The following MRTFA variants were observed in gnomAD, a reference collection of about 807,000 sequenced individuals.
The protein encoded by MRTFA is myocardin-related transcription factor A.
MRTFA carries 20 observed loss-of-function variants against 83.5 expected under a neutral mutation model. That is an observed-to-expected ratio of 0.24 (90% CI 0.17 to 0.35). The LOEUF (loss-of-function observed/expected upper bound fraction) is 0.35, where lower values mean the gene tolerates loss of function less well. MRTFA is among the 10% of genes least tolerant of loss of function. The pLI is 1.00. For missense variants in MRTFA, 1,200 were observed against 1,224.7 expected (o/e 0.98, Z 0.30); for synonymous variants, 659 against 541.2 (o/e 1.22, Z -3.02).
intron 14 of MRTFA, among the ~76,000 whole-genome samples, chr22:40,413,598 T>C (rs1358462821): frequency 6.6e-6 from 1 of 150,540 alleles, no homozygotes; most frequent in Admixed American, 6.6e-5. Context: ...CCCGCCACCA[T>C]GCCCGGATAA....
chr22:40,483,945 G>A (rs1031118662), intron 3 of MRTFA, among the ~76,000 whole-genome samples: 1 of 151,996 alleles, frequency 6.6e-6, no homozygotes, highest in Non-Finnish European at 1.5e-5. Flanking sequence ...GGACTCAAGT[G>A]ATCCGCTCAC....
At chr22:40,592,598 C>T (rs2056137914) in intron 2 of MRTFA, among the ~76,000 whole-genome samples, 1 of 151,902 alleles carries the variant, frequency 6.6e-6, no homozygotes, top group African/African-American at 2.4e-5. Flanking sequence ...AAGCAATCCT[C>T]CCACCTCAGC....
chr22:40,470,669 C>A (rs2053894055), intron 3 of MRTFA, among the ~76,000 whole-genome samples: 1 of 151,992 alleles, frequency 6.6e-6, no homozygotes, highest in South Asian at 2.1e-4. Flanking sequence ...GAAAAACAGG[C>A]CAGGTGTGGT....
At chr22:40,630,269 T>TCACA (rs1369786020) in intron 1 of MRTFA, among the ~76,000 whole-genome samples, 4 of 152,056 alleles carry the variant, frequency 2.6e-5, no homozygotes, top group Non-Finnish European at 5.9e-5. Context: ...TGAGCCATGA[T>TCACA]CACACCACTG....
chr22:40,523,365 G>A (rs1428843533), intron 3 of MRTFA: 1 of 151,894 alleles, frequency 6.6e-6, no homozygotes, highest in Non-Finnish European at 1.5e-5. Flanking sequence ...TTTTGAGATA[G>A]GGTCTCACTT....
intron 3 of MRTFA, among the ~76,000 whole-genome samples, chr22:40,498,178 A>G (rs1390248237): frequency 1.3e-5 from 2 of 150,144 alleles, no homozygotes; most frequent in African/African-American, 4.9e-5. Flanking sequence ...TTACAAATAT[A>G]GCATGCACTT....
chr22:40,444,563 T>G (rs1944512854), intron 4 of MRTFA, among the ~76,000 whole-genome samples: 1 of 152,096 alleles, frequency 6.6e-6, no homozygotes, highest in Non-Finnish European at 1.5e-5. Flanking sequence ...GAAAAACAAT[T>G]TGAATGACAG....
intron 3 of MRTFA, among the ~76,000 whole-genome samples, chr22:40,472,346 T>A (rs796907255): frequency 6.2e-4 from 94 of 152,380 alleles, no homozygotes; most frequent in African/African-American, 2.2e-3. Context: ...ATGTTCGTGA[T>A]GCCAATGATA....
Position 40,421,020 on chromosome 22 carries a change from G to C in MRTFA, c.1008C>G (p.Leu336=), listed in dbSNP as rs2052826417. 4 of 1,592,916 alleles carry C rather than the reference G, an allele frequency of 2.5e-6. No individual in the cohort carries two copies. The highest frequency in any genetic ancestry group is 2.7e-5 in the African/African-American group (2 of 74,616). Residue 336 remains leucine, a synonymous_variant, in exon 10 of 15, where the codon CTC becomes CTG. Coordinates refer to ENST00000355630, the MANE Select transcript of MRTFA (RefSeq NM_020831.6). Reference sequence around the variant, plus strand: ...CCGGGGGGATGTACTGGTGGTACTTGAGCTTCTTCACCTTTGGCTTCAGCT... The same window carrying C: ...CCGGGGGGATGTACTGGTGGTACTTCAGCTTCTTCACCTTTGGCTTCAGCT...
At chr22:40,511,454 T>G (rs1039301479) in intron 3 of MRTFA, among the ~76,000 whole-genome samples, 1 of 152,176 alleles carries the variant, frequency 6.6e-6, no homozygotes, top group Admixed American at 6.5e-5. Flanking sequence ...TAGAACTCAG[T>G]AAACAGGTCA....
At chr22:40,415,451 A>C (rs2052658474) in intron 14 of MRTFA, 1 of 151,576 alleles carries the variant, frequency 6.6e-6, no homozygotes, top group Non-Finnish European at 1.5e-5. Context: ...CATCACATCT[A>C]CTCTGGTAGA....
chr22:40,551,991 T>A, intron 3 of MRTFA, 115 bp downstream of exon 3: 1 of 390,836 alleles, frequency 2.6e-6, no homozygotes, highest in Non-Finnish European at 4.5e-6. Flanking sequence ...TTACAAGAAA[T>A]GTTAAGATTA....
chr22:40,448,891 C>T (rs1324618394), intron 4 of MRTFA, among the ~76,000 whole-genome samples: 1 of 152,176 alleles, frequency 6.6e-6, no homozygotes, highest in Admixed American at 6.5e-5. Context: ...CAGGCTTTTC[C>T]GAGCATTGGA....
intron 3 of MRTFA, among the ~76,000 whole-genome samples, chr22:40,535,817 C>CCAAA (rs2055161998): frequency 6.6e-6 from 1 of 152,130 alleles, no homozygotes; most frequent in Non-Finnish European, 1.5e-5. Flanking sequence ...AAACTGTTCG[C>CCAAA]CATAGAAGAG....
chr22:40,625,934 T>C (rs2056577037), intron 1 of MRTFA, among the ~76,000 whole-genome samples: 1 of 50,658 alleles, frequency 2.0e-5, no homozygotes, highest in Non-Finnish European at 3.6e-5. Flanking sequence ...TTAGTTCAAG[T>C]GATTTCTTCT....
Position 40,419,131 on chromosome 22 carries a change from A to G in MRTFA, c.1607T>C (p.Val536Ala). ...AAACTTCACCACCCCACTGCTGGCC[A>G]CCGTGGCCACCACCACCTCAGCTGG... The change falls in exon 12 of 15, where the codon GTG becomes GCG. Residue 536 changes from valine (V) to alanine (A), a missense_variant. This residue lies in a region of MRTFA where 1,107 missense variants were observed against 1,041.8 expected (regional missense o/e 1.06). Coordinates refer to ENST00000355630, the MANE Select transcript of MRTFA (RefSeq NM_020831.6). 1 of 1,587,382 alleles carries G rather than the reference A, an allele frequency of 6.3e-7. No individual in the cohort carries two copies. The highest frequency in any genetic ancestry group is 8.6e-7 in the Non-Finnish European group (1 of 1,166,912).
intron 3 of MRTFA, among the ~76,000 whole-genome samples, chr22:40,515,292 C>T (rs2054739038): frequency 6.6e-6 from 1 of 152,024 alleles, no homozygotes; most frequent in Non-Finnish European, 1.5e-5. Context: ...CTAATAAAAT[C>T]CTGGATATAA....
Position 40,420,439 on chromosome 22 carries a change from G to A in MRTFA, c.1319C>T (p.Pro440Leu), listed in dbSNP as rs150562993. 2.8e-4 allele frequency: 456 copies of A among 1,613,648 alleles called. No individual in the cohort carries two copies. Among genetic ancestry groups the A allele is most frequent in the Middle Eastern group, 9.9e-4 (6 of 6,062 alleles). Residue 440 changes from proline to leucine, a missense_variant, in exon 11 of 15, where the codon CCG (proline) becomes CTG (leucine). By Grantham distance (98) the Pro-to-Leu change is moderately conservative. Around this residue, in one of 2 missense-constraint regions of MRTFA, gnomAD observed 1,107 missense variants for 1,041.8 expected, o/e 1.06. Transcript: ENST00000355630. Reference sequence around the variant, plus strand: ...GTCCAGGTTGGCCGGCAGGGCTCCCGGCTTGCCAGTCAGTGAGGTGCTGTT... The same window carrying A: ...GTCCAGGTTGGCCGGCAGGGCTCCCAGCTTGCCAGTCAGTGAGGTGCTGTT...
intron 3 of MRTFA, among the ~76,000 whole-genome samples, chr22:40,535,344 T>C (rs1046111721): frequency 2.1e-5 from 2 of 95,178 alleles, no homozygotes; most frequent in Admixed American, 2.5e-4. Context: ...GTGAGAGGTT[T>C]TTTCTTTTTT....
Sources: gnomAD v4.1 joint callset for allele counts (sites outside exome capture counted in the v4.1 genomes callset) on GRCh38, gnomAD v4.1.1 for gene constraint, gnomAD v4.1.1 regional missense constraint, MANE v1.5 for transcripts, NCBI Gene and HGNC (gene_info 2026-07-23, HGNC 2026-07-21) for gene names.